Variants in RTN1 observed in about 807,000 individuals in gnomAD.
The protein encoded by RTN1 is reticulon 1, also known as reticulon-1.
In RTN1, 25 loss-of-function variants were observed where a neutral mutation model predicts 65.5. The observed-to-expected ratio is 0.38, with a 90% CI of 0.28 to 0.53. The LOEUF is 0.53. RTN1 is among the 20% of genes least tolerant of loss of function. RTN1 has a pLI of 0.79. For missense variants in RTN1, 983 were observed against 1,025.4 expected (o/e 0.96, Z 0.57); for synonymous variants, 471 against 447.6 (o/e 1.05, Z -0.66).
chr14:59,669,861 G>A (rs956816208), intron 3 of RTN1, among the ~76,000 whole-genome samples: 1 of 152,190 alleles, frequency 6.6e-6, no homozygotes, highest in Non-Finnish European at 1.5e-5. Context: ...CTAAGGTTCA[G>A]TAGCACTGTT....
At chr14:59,614,178 T>C (rs951275993) in intron 3 of RTN1, among the ~76,000 whole-genome samples, 1 of 152,140 alleles carries the variant, frequency 6.6e-6, no homozygotes, top group Non-Finnish European at 1.5e-5. Flanking sequence ...GTAGAAGCAT[T>C]GCACTATCTT....
At chr14:59,823,995 A>C (rs930269515) in intron 1 of RTN1, among the ~76,000 whole-genome samples, 6 of 152,170 alleles carry the variant, frequency 3.9e-5, no homozygotes, top group African/African-American at 1.2e-4. Context: ...CAATTTACTG[A>C]GTTTTCTTTC....
chr14:59,734,368 A>G (rs1259957578), intron 2 of RTN1, among the ~76,000 whole-genome samples: 1 of 152,212 alleles, frequency 6.6e-6, no homozygotes, highest in African/African-American at 2.4e-5. Context: ...AGGGCTCAGA[A>G]CTGGGCTGAG....
intron 1 of RTN1, among the ~76,000 whole-genome samples, chr14:59,854,710 A>G (rs980128129): frequency 6.6e-6 from 1 of 152,002 alleles, no homozygotes; most frequent in Non-Finnish European, 1.5e-5. Context: ...AGAGTGAAAT[A>G]ATTAAGAGCA....
intron 1 of RTN1, among the ~76,000 whole-genome samples, chr14:59,869,587 G>C (rs999347137): frequency 6.1e-5 from 8 of 131,876 alleles, no homozygotes; most frequent in African/African-American, 1.6e-4. Flanking sequence ...GGTGGGGGGG[G>C]GGGGGCGCTT....
At chr14:59,717,784 C>A (rs1403451167) in intron 3 of RTN1, among the ~76,000 whole-genome samples, 1 of 152,102 alleles carries the variant, frequency 6.6e-6, no homozygotes, top group Non-Finnish European at 1.5e-5. Context: ...CATCTAAGCC[C>A]AAACAGAAAA....
chr14:59,680,113 A>G (rs924172283), intron 3 of RTN1, among the ~76,000 whole-genome samples: 2 of 152,182 alleles, frequency 1.3e-5, no homozygotes, highest in African/African-American at 4.8e-5. Context: ...ATGGGAGCTG[A>G]GCAGTGCTCC....
chr14:59,866,809 C>T (rs935845746), intron 1 of RTN1, among the ~76,000 whole-genome samples: 2 of 152,060 alleles, frequency 1.3e-5, no homozygotes, highest in Non-Finnish European at 2.9e-5. Flanking sequence ...CTGGAAATGA[C>T]TCCAAATAAA....
At chr14:59,689,915 G>T (rs1883924986) in intron 3 of RTN1, among the ~76,000 whole-genome samples, 1 of 151,416 alleles carries the variant, frequency 6.6e-6, no homozygotes, top group African/African-American at 2.4e-5. Context: ...AAACTACAAA[G>T]CAACCAGCTA....
In RTN1 at chr14:59,790,941, T is replaced by C. The variant is rs1460593929; in HGVS notation, c.242-44460A>G. Among the ~76,000 whole-genome samples the C allele has an allele frequency of 6.6e-5, 10 of 152,170 alleles. 1 individual carries two copies. Among genetic ancestry groups the C allele is most frequent in the Admixed American group, 6.5e-4 (10 of 15,270 alleles). The stretch of plus-strand genomic sequence containing the variant: ...TCATGCCTATCTTCTCCTATCTATT[T>C]CTAATTATTTATTACTTTGGTAGCA... On this transcript the variant is annotated intron_variant, in intron 1 of 8. Transcript: ENST00000267484. The surrounding 1 kb of genome is among the most constrained non-coding windows in gnomAD (Gnocchi z 4.1).
chr14:59,726,328 G>A (rs1566700254), intron 3 of RTN1, among the ~76,000 whole-genome samples: 1 of 152,196 alleles, frequency 6.6e-6, no homozygotes, highest in Non-Finnish European at 1.5e-5. Flanking sequence ...CTTCAGTCTT[G>A]CTTAGGGACA....
chr14:59,622,322 C>T (rs959546864), intron 3 of RTN1, among the ~76,000 whole-genome samples: 58 of 152,256 alleles, frequency 3.8e-4, no homozygotes, highest in African/African-American at 9.4e-4. Flanking sequence ...GCCTGGGCAA[C>T]GGAGCAACAC....
At chr14:59,711,334 C>A (rs1884414213) in intron 3 of RTN1, among the ~76,000 whole-genome samples, 1 of 152,198 alleles carries the variant, frequency 6.6e-6, no homozygotes, top group Admixed American at 6.5e-5. Context: ...CAGAAAGCAT[C>A]CTTCTCTGCT....
In RTN1 at chr14:59,768,189, T is replaced by C. The variant is rs190438261; in HGVS notation, c.242-21708A>G. The stretch of plus-strand genomic sequence containing the variant: ...CTTGAGGGAAAGAATGGTCCTATTA[T>C]CTCTGTATTCCTAGCACAGTACCTA... On this transcript the variant is annotated intron_variant, in intron 1 of 8. Transcript: ENST00000267484. Among the ~76,000 whole-genome samples the C allele has an allele frequency of 9.2e-4, 140 of 152,326 alleles. 1 individual carries two copies. Among genetic ancestry groups the C allele is most frequent in the Non-Finnish European group, 1.2e-4 (8 of 68,028 alleles).
chr14:59,613,289 C>A (rs1566661007), intron 3 of RTN1, among the ~76,000 whole-genome samples: 1 of 151,996 alleles, frequency 6.6e-6, no homozygotes, highest in Non-Finnish European at 1.5e-5. Context: ...GATAAACAAG[C>A]TATAGATTTA....
chr14:59,738,128 C>G (rs1183633789), intron 2 of RTN1, among the ~76,000 whole-genome samples: 1 of 152,142 alleles, frequency 6.6e-6, no homozygotes, highest in Non-Finnish European at 1.5e-5. Context: ...AAGACACCAA[C>G]AGCAATTGCA....
chr14:59,609,110 C>T (rs570109483), intron 3 of RTN1, among the ~76,000 whole-genome samples: 78 of 152,018 alleles, frequency 5.1e-4, no homozygotes, highest in African/African-American at 1.9e-3. Context: ...CATGGTGAAA[C>T]CCCGTCTCTA....
At chr14:59,675,592 A>G (rs1458140287) in intron 3 of RTN1, among the ~76,000 whole-genome samples, 1 of 149,550 alleles carries the variant, frequency 6.7e-6, no homozygotes, top group African/African-American at 2.4e-5. Flanking sequence ...TAATAATACA[A>G]TTTTATAATA....
rs1004572679 is a variant in RTN1, at chr14:59,784,246, C to T, written c.242-37765G>A. On this transcript the variant is annotated intron_variant, in intron 1 of 8. Transcript: ENST00000267484. ...CTGAGGTTGGGAGTTCGAGACCAGCCTGATCAACATGGAGAAACCTCGTCT... is the reference window on the plus strand; with the variant it reads ...CTGAGGTTGGGAGTTCGAGACCAGCTTGATCAACATGGAGAAACCTCGTCT... Among the ~76,000 whole-genome samples the T allele has an allele frequency of 1.2e-4, 18 of 152,018 alleles. 1 individual carries two copies. The highest frequency in any genetic ancestry group is 8.5e-4 in the Admixed American group (13 of 15,258).
Sources: allele counts gnomAD v4.1 joint callset (sites outside exome capture counted in the v4.1 genomes callset), GRCh38; gene constraint gnomAD v4.1.1; non-coding constraint Gnocchi (gnomAD v3.1); transcripts MANE v1.5; gene names NCBI Gene and HGNC (gene_info 2026-07-23, HGNC 2026-07-21).